The following ARHGEF38 variants were observed in gnomAD, a reference collection of about 807,000 sequenced individuals.
ARHGEF38 encodes Rho guanine nucleotide exchange factor 38, also known as Rho guanine nucleotide exchange factor (GEF) 38.
ARHGEF38 carries 79 observed loss-of-function variants against 79.9 expected under a neutral mutation model. That is an observed-to-expected ratio of 0.99 (90% CI 0.82 to 1.19). ARHGEF38 has a LOEUF of 1.19. Among genes scored for constraint, ARHGEF38 ranks in the 50% most tolerant of loss-of-function variants. The pLI, the probability that ARHGEF38 is intolerant of heterozygous loss-of-function variation, is 0.00. For synonymous variants in ARHGEF38, 366 were observed against 328.3 expected (o/e 1.11, Z -1.24); for missense variants, 962 against 907.2 (o/e 1.06, Z -0.78).
intron 7 of ARHGEF38, among the ~76,000 whole-genome samples, chr4:105,651,272 A>T (rs1176027150): frequency 1.3e-5 from 2 of 152,242 alleles, no homozygotes; most frequent in Admixed American, 1.3e-4. Context: ...TTTACTGTTA[A>T]TCAGAAAATC....
At chr4:105,573,937 G>C (rs1012698453) in intron 1 of ARHGEF38, among the ~76,000 whole-genome samples, 11 of 151,762 alleles carry the variant, frequency 7.2e-5, no homozygotes, top group Non-Finnish European at 1.3e-4. Context: ...CTCCTCTTTG[G>C]TTAGGTTAAG....
chr4:105,617,086 G>A (rs1422070536), intron 3 of ARHGEF38, among the ~76,000 whole-genome samples: 1 of 152,210 alleles, frequency 6.6e-6, no homozygotes, highest in Non-Finnish European at 1.5e-5. Flanking sequence ...GTGAGCAGAT[G>A]AATCGAATAA....
At chr4:105,610,123 G>A (rs1003604698) in intron 2 of ARHGEF38, among the ~76,000 whole-genome samples, 2 of 151,912 alleles carry the variant, frequency 1.3e-5, no homozygotes, top group Non-Finnish European at 2.9e-5. Flanking sequence ...AACCAAATAC[G>A]GCATGTTCTC....
intron 1 of ARHGEF38, chr4:105,561,561 C>G (rs1308285365): frequency 6.6e-6 from 1 of 150,754 alleles, no homozygotes; most frequent in Non-Finnish European, 1.5e-5. Flanking sequence ...TTCCCCAGAT[C>G]TCTGCAAGAG....
At chr4:105,676,855 CTT>C (rs1195471793) in intron 13 of ARHGEF38, among the ~76,000 whole-genome samples, 1 of 151,920 alleles carries the variant, frequency 6.6e-6, no homozygotes, top group Non-Finnish European at 1.5e-5. Context: ...TAATATTAGA[CTT>C]ATATCGTACA....
chr4:105,619,319 G>A (rs1031472577), intron 3 of ARHGEF38, among the ~76,000 whole-genome samples: 18 of 151,760 alleles, frequency 1.2e-4, no homozygotes, highest in African/African-American at 4.1e-4. Context: ...ACACAGCCAA[G>A]GCCTCAGGCT....
intron 3 of ARHGEF38, among the ~76,000 whole-genome samples, chr4:105,622,875 C>T (rs1466436964): frequency 6.6e-6 from 1 of 152,192 alleles, no homozygotes. Context: ...TTTCATTTCA[C>T]ATACATACAC....
At chr4:105,610,633 G>A (rs1315267087) in intron 2 of ARHGEF38, among the ~76,000 whole-genome samples, 4 of 151,954 alleles carry the variant, frequency 2.6e-5, no homozygotes, top group Admixed American at 2.0e-4. Context: ...AGCAATGATT[G>A]GATATGAATT....
At position 105,561,059 on chromosome 4, in the gene ARHGEF38, C is replaced by A. The variant is rs373715592; in HGVS notation, c.196+8098C>A. On this transcript the variant is annotated intron_variant, in intron 1 of 13. Transcript: ENST00000420470. Reference sequence around the variant, plus strand: ...GGTCAAATTTGTTTTTGTTCCCTGGCCTTTATATTAACTATTTTGTCTGTC... The same window carrying A: ...GGTCAAATTTGTTTTTGTTCCCTGGACTTTATATTAACTATTTTGTCTGTC... 7.2e-5 allele frequency among the ~76,000 whole-genome samples: 11 copies of A among 152,192 alleles called. No homozygotes were observed. In the South Asian group the frequency reaches 8.3e-4, roughly 11 times the overall value.
intron 1 of ARHGEF38, among the ~76,000 whole-genome samples, chr4:105,588,752 A>G (rs949328956): frequency 6.6e-6 from 1 of 152,232 alleles, no homozygotes; most frequent in Admixed American, 6.5e-5. Flanking sequence ...ATTGAAAAGA[A>G]AAACTCCAAT....
At chr4:105,643,581 A>G (rs945406718) in intron 5 of ARHGEF38, among the ~76,000 whole-genome samples, 2 of 152,186 alleles carry the variant, frequency 1.3e-5, no homozygotes, top group African/African-American at 4.8e-5. Flanking sequence ...CATTACAGAA[A>G]ATCTGAGAAC....
intron 1 of ARHGEF38, among the ~76,000 whole-genome samples, chr4:105,584,789 G>C (rs529260730): frequency 4.6e-5 from 7 of 152,288 alleles, no homozygotes; most frequent in South Asian, 2.1e-4. Flanking sequence ...GGCAGTAGTA[G>C]TAGCAAAAGC....
At chr4:105,564,987 A>G (rs1458412366) in intron 1 of ARHGEF38, among the ~76,000 whole-genome samples, 1 of 152,204 alleles carries the variant, frequency 6.6e-6, no homozygotes, top group African/African-American at 2.4e-5. Context: ...CATTTTCTGA[A>G]GTACCCATTT....
At position 105,667,594 on chromosome 4, in the gene ARHGEF38, G is replaced by A; in HGVS notation, c.2039G>A (p.Gly680Asp). ...CGGCCAGCTAGTGACAGTGTCACAGGCACCTCAGAAAGCAGCATTGGTGAT... is the reference window on the plus strand; with the variant it reads ...CGGCCAGCTAGTGACAGTGTCACAGACACCTCAGAAAGCAGCATTGGTGAT... ...SSRPASDSVT[G>D]TSESSIGDSS... Residue 680 changes from glycine to aspartate, a missense_variant, in exon 13 of 14, where the codon GGC (glycine) becomes GAC (aspartate). Gly to Asp is a moderately conservative substitution (Grantham distance 94, BLOSUM62 -1). Coordinates refer to ENST00000420470, the MANE Select transcript of ARHGEF38 (RefSeq NM_001242729.2). 6.5e-7 allele frequency: 1 copy of A among 1,536,690 alleles called. No individual in the cohort carries two copies. Among genetic ancestry groups the A allele is most frequent in the Non-Finnish European group, 8.7e-7 (1 of 1,147,048 alleles).
At chr4:105,635,693 T>G (rs1729368701) in intron 4 of ARHGEF38, among the ~76,000 whole-genome samples, 1 of 152,112 alleles carries the variant, frequency 6.6e-6, no homozygotes, top group Non-Finnish European at 1.5e-5. Flanking sequence ...AAGGAAATGA[T>G]TGGAAGGAAA....
chr4:105,594,082 T>A (rs56009808), intron 2 of ARHGEF38, among the ~76,000 whole-genome samples: 38,708 of 152,126 alleles, frequency 0.25, 5,302 homozygotes, highest in African/African-American at 0.34. Flanking sequence ...TTTCATTCTA[T>A]TAGTTCTCTC....
intron 5 of ARHGEF38, among the ~76,000 whole-genome samples, chr4:105,643,799 A>C (rs1242335372): frequency 6.6e-6 from 1 of 151,652 alleles, no homozygotes; most frequent in African/African-American, 2.4e-5. Context: ...GTGCATGTAC[A>C]TGTGATAATA....
chr4:105,668,235 G>A (rs762521734), intron 13 of ARHGEF38, among the ~76,000 whole-genome samples: 3 of 151,690 alleles, frequency 2.0e-5, no homozygotes, highest in Non-Finnish European at 4.4e-5. Flanking sequence ...AGGCTGGAGT[G>A]CAGTGGCGCA....
downstream of ARHGEF38, among the ~76,000 whole-genome samples, chr4:105,681,191 A>AT (rs1731299107): frequency 6.6e-6 from 1 of 152,030 alleles, no homozygotes; most frequent in Non-Finnish European, 1.5e-5. Context: ...TGAGATCATA[A>AT]TTGAGATAAT....
Sources: allele counts gnomAD v4.1 joint callset (sites outside exome capture counted in the v4.1 genomes callset), GRCh38; gene constraint gnomAD v4.1.1; transcripts MANE v1.5; gene names NCBI Gene and HGNC (gene_info 2026-07-23, HGNC 2026-07-21).